MMP26: variants seen among roughly 807,000 people sequenced by gnomAD.
MMP26 encodes the protein matrix metalloproteinase-26.
In MMP26, 33 loss-of-function variants were observed where a neutral mutation model predicts 31.0. That is an observed-to-expected ratio of 1.06 (90% confidence interval 0.81 to 1.42). The LOEUF is 1.42. Ranked by LOEUF, MMP26 falls within the 40% of genes most tolerant of loss-of-function variation. The pLI, the probability that MMP26 is intolerant of heterozygous loss-of-function variation, is 0.00. For synonymous variants in MMP26, 122 were observed against 114.9 expected, an observed-to-expected ratio of 1.06 and a Z score of -0.40; for missense variants, 347 against 316.1, an observed-to-expected ratio of 1.10 and a Z score of -0.74.
chr11:4,814,799 G>A (rs1849398296), intron 2 of MMP26, among the ~76,000 whole-genome samples: 1 of 152,282 alleles, frequency 6.6e-6, no homozygotes, highest in Admixed American at 6.5e-5. Flanking sequence ...TAATAAAAAT[G>A]TTTAGAGAAA....
chr11:4,934,750 G>T (rs1851408105), intron 2 of MMP26, among the ~76,000 whole-genome samples: 1 of 149,298 alleles, frequency 6.7e-6, no homozygotes, highest in Non-Finnish European at 1.5e-5. Context: ...ATTGATTTTT[G>T]TATAAGGTGT....
intron 2 of MMP26, among the ~76,000 whole-genome samples, chr11:4,964,701 A>G (rs753763141): frequency 2.6e-4 from 39 of 152,202 alleles, no homozygotes; most frequent in Non-Finnish European, 4.0e-4. Flanking sequence ...GGATAAAGAA[A>G]CTGTGGTACA....
intron 2 of MMP26, among the ~76,000 whole-genome samples, chr11:4,772,146 T>G (rs1589896242): frequency 6.6e-6 from 1 of 152,206 alleles, no homozygotes; most frequent in Non-Finnish European, 1.5e-5. Context: ...TCTCTCCCTA[T>G]CTATAAAAAT....
intron 2 of MMP26, chr11:4,849,212 T>C: frequency 2.5e-6 from 4 of 1,598,222 alleles, no homozygotes. Flanking sequence ...TTGACATAGT[T>C]CAGGATTCCA....
chr11:4,936,739 G>A (rs1846118651), intron 2 of MMP26, among the ~76,000 whole-genome samples: 1 of 152,046 alleles, frequency 6.6e-6, no homozygotes, highest in East Asian at 1.9e-4. Flanking sequence ...GTATTTTTTT[G>A]TAATATGGGC....
chr11:4,983,332 A>G (rs1846841857), intron 2 of MMP26, among the ~76,000 whole-genome samples: 1 of 152,162 alleles, frequency 6.6e-6, no homozygotes, highest in Non-Finnish European at 1.5e-5. Flanking sequence ...TATTGCGGTG[A>G]AAGCATTTGT....
At chr11:4,987,544 G>A (rs1304034333) in intron 2 of MMP26, among the ~76,000 whole-genome samples, 9 of 151,874 alleles carry the variant, frequency 5.9e-5, no homozygotes, top group African/African-American at 9.7e-5. Context: ...TCAGCCTCCC[G>A]AGTAGCTGGG....
chr11:4,821,153 G>A (rs1251410237), intron 2 of MMP26, among the ~76,000 whole-genome samples: 1 of 152,112 alleles, frequency 6.6e-6, no homozygotes, highest in Admixed American at 6.6e-5. Context: ...TTTATTGCTA[G>A]TAATGAGAAT....
intron 2 of MMP26, among the ~76,000 whole-genome samples, chr11:4,797,674 C>T (rs1472215231): frequency 6.6e-6 from 1 of 152,170 alleles, no homozygotes; most frequent in African/African-American, 2.4e-5. Flanking sequence ...GGAGCTGGCA[C>T]ATTCAAGAAG....
intron 2 of MMP26, among the ~76,000 whole-genome samples, chr11:4,774,696 T>A (rs533125127): frequency 6.6e-6 from 1 of 152,298 alleles, no homozygotes; most frequent in Non-Finnish European, 1.5e-5. Context: ...TCATGAAATC[T>A]TTTCCTGTGC....
intron 1 of MMP26, among the ~76,000 whole-genome samples, chr11:4,750,417 T>A (rs1848433233): frequency 6.6e-6 from 1 of 152,114 alleles, no homozygotes; most frequent in South Asian, 2.1e-4. Flanking sequence ...ATTCCACTAC[T>A]GAGTAGTTTC....
At chr11:4,930,085 A>C (rs1851325334) in intron 2 of MMP26, among the ~76,000 whole-genome samples, 1 of 152,116 alleles carries the variant, frequency 6.6e-6, no homozygotes, top group South Asian at 2.1e-4. Flanking sequence ...ATATACATTT[A>C]TAGTAACCAA....
intron 2 of MMP26, chr11:4,913,222 T>C (rs1464913238): frequency 6.6e-6 from 1 of 152,208 alleles, no homozygotes; most frequent in Non-Finnish European, 1.5e-5. Context: ...AACAGTGTTC[T>C]CATGCCAAAC....
At chr11:4,969,600 G>C (rs1846638740) in intron 2 of MMP26, among the ~76,000 whole-genome samples, 1 of 151,992 alleles carries the variant, frequency 6.6e-6, no homozygotes, top group Non-Finnish European at 1.5e-5. Flanking sequence ...ATTTTTGTTT[G>C]TTTGTTTTAC....
intron 2 of MMP26, among the ~76,000 whole-genome samples, chr11:4,872,015 T>G (rs1850317323): frequency 1.3e-5 from 2 of 152,050 alleles, no homozygotes; most frequent in Non-Finnish European, 2.9e-5. Flanking sequence ...TATTTAAGCT[T>G]TAGTTTTGGG....
At chr11:4,821,476 A>G (rs1055545278) in intron 2 of MMP26, 2 of 1,613,348 alleles carry the variant, frequency 1.2e-6, no homozygotes, top group Non-Finnish European at 1.7e-6. Flanking sequence ...CCTGATGGGC[A>G]TTCCAGGCCT....
At position 4,848,117 on chromosome 11, in the gene MMP26, A is replaced by G. The variant is rs1016218088; in HGVS notation, c.-145+80776A>G. Reference sequence around the variant, plus strand: ...GGCATACTTCCAGGGACAGGAAGCTACATGCACATATATGCACTTATGTGT... The same window carrying G: ...GGCATACTTCCAGGGACAGGAAGCTGCATGCACATATATGCACTTATGTGT... On this transcript the variant is annotated intron_variant, in intron 2 of 7. Coordinates refer to ENST00000380390, the MANE Select transcript of MMP26 (RefSeq NM_021801.5). 7.6e-6 allele frequency: 8 copies of G among 1,048,326 alleles called. No homozygotes were observed. In the African/African-American group the frequency reaches 1.1e-4, roughly 15 times the overall value. 64.9% of individuals were successfully genotyped at this position (1,048,326 alleles called of 1,614,324 possible).
chr11:4,891,562 G>A (rs1791885387), intron 2 of MMP26, among the ~76,000 whole-genome samples: 1 of 152,150 alleles, frequency 6.6e-6, no homozygotes, highest in South Asian at 2.1e-4. Context: ...TTCTAAAGCT[G>A]TTTTTACCCA....
Position 4,885,777 on chromosome 11 carries a change from C to A in MMP26, c.-144-102291C>A, listed in dbSNP as rs146087481. ...AAGGTATGTCTTAAATATTTACCTG[C>A]TATTATTCATTATTCTCTATTAAGT... On this transcript the variant is annotated intron_variant, in intron 2 of 7. Transcript: ENST00000380390. Among the ~76,000 whole-genome samples, 374 of 151,958 alleles carry A rather than the reference C, an allele frequency of 2.5e-3. 1 individual carries two copies. The highest frequency in any genetic ancestry group is 8.6e-3 in the African/African-American group (356 of 41,450).
Sources: allele counts gnomAD v4.1 joint callset (sites outside exome capture counted in the v4.1 genomes callset), GRCh38; gene constraint gnomAD v4.1.1; transcripts MANE v1.5; gene names NCBI Gene and HGNC (gene_info 2026-07-23, HGNC 2026-07-21).